The following CSMD1 variants were observed in gnomAD, a reference collection of about 807,000 sequenced individuals.
CSMD1 encodes CUB and sushi domain-containing protein 1.
Under a neutral mutation model 417.5 loss-of-function variants are expected in CSMD1, and 213 were observed. That is an observed-to-expected ratio of 0.51 (90% CI 0.46 to 0.57). The LOEUF (loss-of-function observed/expected upper bound fraction) is 0.57, where lower values mean the gene tolerates loss of function less well. CSMD1 is among the 20% of genes least tolerant of loss of function. The probability of loss-of-function intolerance (pLI) is 0.00; values close to 1 mark genes in which losing one functional copy is unlikely to be tolerated. For synonymous variants in CSMD1, 2,862 were observed against 1,736.8 expected (o/e 1.65, Z -16.11); for missense variants, 6,923 against 4,529.7 (o/e 1.53, Z -15.17).
intron 10 of CSMD1, among the ~76,000 whole-genome samples, chr8:3,547,456 A>T (rs898683119): frequency 6.6e-6 from 1 of 152,222 alleles, no homozygotes; most frequent in Non-Finnish European, 1.5e-5. Flanking sequence ...ACGGATCAGT[A>T]GGTCAATGAT....
At chr8:3,824,046 T>C (rs896356146) in intron 5 of CSMD1, among the ~76,000 whole-genome samples, 3 of 152,186 alleles carry the variant, frequency 2.0e-5, no homozygotes, top group African/African-American at 7.2e-5. Flanking sequence ...AAAAGTCTGA[T>C]ATTTCATTCT....
At chr8:2,938,808 CTG>C in intron 69 of CSMD1, 64 bp from the exon 70 acceptor site, 1 of 1,449,320 alleles carries the variant, frequency 6.9e-7, no homozygotes, top group Non-Finnish European at 9.4e-7. Flanking sequence ...GCAGCTGGGA[CTG>C]TGTGCAGGAG....
chr8:3,547,415 C>T (rs747032246), intron 10 of CSMD1, among the ~76,000 whole-genome samples: 7 of 152,174 alleles, frequency 4.6e-5, no homozygotes, highest in Non-Finnish European at 8.8e-5. Flanking sequence ...GTTTTTAAAA[C>T]ACTACTTCTT....
chr8:3,561,758 C>A (rs1799475405), intron 10 of CSMD1, among the ~76,000 whole-genome samples: 1 of 151,978 alleles, frequency 6.6e-6, no homozygotes, highest in South Asian at 2.1e-4. Context: ...GGACATATAC[C>A]CGCTTTAAAA....
At chr8:4,274,959 A>T (rs1321940233) in intron 3 of CSMD1, among the ~76,000 whole-genome samples, 1 of 152,206 alleles carries the variant, frequency 6.6e-6, no homozygotes, top group Non-Finnish European at 1.5e-5. Context: ...ATCAACAAAC[A>T]TGCTTGTAGC....
chr8:3,355,474 C>A (rs76492888), intron 21 of CSMD1, among the ~76,000 whole-genome samples: 2,966 of 152,240 alleles, frequency 0.019, 49 homozygotes, highest in South Asian at 0.043. Context: ...ATGTGCTAAG[C>A]CAATCACGAC....
intron 3 of CSMD1, among the ~76,000 whole-genome samples, chr8:4,410,295 G>C (rs1186881801): frequency 1.3e-5 from 2 of 152,196 alleles, no homozygotes; most frequent in South Asian, 2.1e-4. Flanking sequence ...AAAACAAATT[G>C]AGGTAATGAG....
chr8:3,860,298 T>C (rs1278253338), intron 5 of CSMD1, among the ~76,000 whole-genome samples: 1 of 152,112 alleles, frequency 6.6e-6, no homozygotes, highest in Non-Finnish European at 1.5e-5. Context: ...GAAACGTCCA[T>C]AAAAACAAAG....
At chr8:3,434,438 A>G (rs1294194287) in intron 12 of CSMD1, among the ~76,000 whole-genome samples, 1 of 152,194 alleles carries the variant, frequency 6.6e-6, no homozygotes, top group Non-Finnish European at 1.5e-5. Flanking sequence ...CTTATTCCAT[A>G]CAAGCCTATA....
At chr8:4,058,744 A>C (rs13254228) in intron 3 of CSMD1, among the ~76,000 whole-genome samples, 111,921 of 130,520 alleles carry the variant, frequency 0.86, 48,557 homozygotes, top group South Asian at 0.93. Flanking sequence ...AGAGCTAACT[A>C]TCCTAAATAT....
At chr8:3,894,583 T>G (rs181306505) in intron 5 of CSMD1, among the ~76,000 whole-genome samples, 1 of 152,354 alleles carries the variant, frequency 6.6e-6, no homozygotes, top group East Asian at 1.9e-4. Context: ...CCTATTGATT[T>G]GTTGTCTGTA....
In CSMD1 at chr8:4,023,336, T is replaced by C. The variant is rs149197637; in HGVS notation, c.610+8569A>G. Reference sequence around the variant, plus strand: ...CAAAGAGTATTTCTGTTTGAGCCCATTAATACTGTATTAATGAAACAAGCA... The same window carrying C: ...CAAAGAGTATTTCTGTTTGAGCCCACTAATACTGTATTAATGAAACAAGCA... On this transcript the variant is annotated intron_variant, in intron 4 of 69. Transcript: ENST00000635120. 4.4e-3 allele frequency among the ~76,000 whole-genome samples: 669 copies of C among 152,272 alleles called. 5 individuals carry two copies. The highest frequency in any genetic ancestry group is 0.015 in the African/African-American group (627 of 41,544).
chr8:4,315,735 A>G (rs1306295540), intron 3 of CSMD1, among the ~76,000 whole-genome samples: 1 of 152,228 alleles, frequency 6.6e-6, no homozygotes, highest in Non-Finnish European at 1.5e-5. Context: ...TGTGCAAAAA[A>G]GAAACTGAAT....
chr8:4,329,100 T>C (rs183071417), intron 3 of CSMD1, among the ~76,000 whole-genome samples: 1 of 152,316 alleles, frequency 6.6e-6, no homozygotes, highest in Non-Finnish European at 1.5e-5. Context: ...CCAAGCCTTG[T>C]ATTGCGTCTA....
intron 23 of CSMD1, among the ~76,000 whole-genome samples, chr8:3,309,565 A>AGAC (rs764852863): frequency 4.2e-5 from 6 of 142,150 alleles, no homozygotes; most frequent in Non-Finnish European, 7.8e-5. Context: ...CATCTGTGAA[A>AGAC]GACAGTCTTA....
intron 9 of CSMD1, among the ~76,000 whole-genome samples, chr8:3,581,484 A>G (rs1800380944): frequency 6.6e-6 from 1 of 152,240 alleles, no homozygotes; most frequent in African/African-American, 2.4e-5. Flanking sequence ...ACCAGCCTCC[A>G]GATGGAAGGA....
At chr8:4,864,550 C>T (rs926313702) in intron 1 of CSMD1, among the ~76,000 whole-genome samples, 3 of 151,560 alleles carry the variant, frequency 2.0e-5, no homozygotes, top group Non-Finnish European at 4.4e-5. Flanking sequence ...GAGTGATCAT[C>T]ATAATTATGT....
At chr8:3,391,443 G>A (rs1811343203) in intron 17 of CSMD1, among the ~76,000 whole-genome samples, 1 of 152,154 alleles carries the variant, frequency 6.6e-6, no homozygotes, top group South Asian at 2.1e-4. Flanking sequence ...CAATTTTAAA[G>A]TGGTGATTTA....
At chr8:4,182,532 T>C (rs965689) in intron 3 of CSMD1, among the ~76,000 whole-genome samples, 148,764 of 152,212 alleles carry the variant, frequency 0.98, 72,770 homozygotes, top group East Asian at 1. Context: ...ATATGCTCAA[T>C]CGATATTTGT....
Sources: gnomAD v4.1 joint callset for allele counts (sites outside exome capture counted in the v4.1 genomes callset) on GRCh38, gnomAD v4.1.1 for gene constraint, MANE v1.5 for transcripts, NCBI Gene and HGNC (gene_info 2026-07-23, HGNC 2026-07-21) for gene names.